Variants in EYA1 observed in about 807,000 individuals in gnomAD.
The protein encoded by EYA1 is protein phosphatase EYA1.
In EYA1, 16 loss-of-function variants were observed where a neutral mutation model predicts 82.0. The ratio of observed to expected loss-of-function variants is 0.20; its 90% CI spans 0.13 to 0.30. The LOEUF is 0.30. Among genes scored for constraint, EYA1 ranks in the 10% least tolerant of loss-of-function variants. EYA1 has a pLI of 1.00. For synonymous variants in EYA1, 261 were observed against 264.4 expected, an observed-to-expected ratio of 0.99 and a Z score of 0.12; for missense variants, 633 against 730.7, an observed-to-expected ratio of 0.87 and a Z score of 1.54.
chr8:71,492,335 TA>T (rs1451673819), intron 2 of EYA1, among the ~76,000 whole-genome samples: 1 of 152,124 alleles, frequency 6.6e-6, no homozygotes, highest in Non-Finnish European at 1.5e-5. Flanking sequence ...TAATAACAAA[TA>T]TATTTTTAAT....
intron 2 of EYA1, among the ~76,000 whole-genome samples, chr8:71,395,961 A>G (rs975598484): frequency 4.6e-5 from 7 of 152,164 alleles, no homozygotes; most frequent in Admixed American, 2.0e-4. Flanking sequence ...TATTGCCTCA[A>G]TTTAAGAACC....
At chr8:71,318,470 T>C (rs1822169446) in intron 6 of EYA1, among the ~76,000 whole-genome samples, 1 of 152,186 alleles carries the variant, frequency 6.6e-6, no homozygotes, top group African/African-American at 2.4e-5. Flanking sequence ...AAATGATGTA[T>C]CTGTGGCCCC....
chr8:71,435,677 T>C (rs1805960497), intron 2 of EYA1, among the ~76,000 whole-genome samples: 1 of 152,062 alleles, frequency 6.6e-6, no homozygotes, highest in Admixed American at 6.6e-5. Flanking sequence ...TATATAAGCA[T>C]AATTTAAAAG....
At chr8:71,484,552 G>GTCC (rs1810416132) in intron 2 of EYA1, among the ~76,000 whole-genome samples, 1 of 152,190 alleles carries the variant, frequency 6.6e-6, no homozygotes, top group East Asian at 1.9e-4. Context: ...CCTCTTGAGG[G>GTCC]TCATTCCTAT....
chr8:71,335,418 A>T (rs745840945), intron 3 of EYA1, among the ~76,000 whole-genome samples: 77 of 152,342 alleles, frequency 5.1e-4, no homozygotes, highest in Non-Finnish European at 9.3e-4. Flanking sequence ...TTATAAATAG[A>T]TGCATCGGAT....
chr8:71,267,036 C>T (rs548942118), intron 11 of EYA1, among the ~76,000 whole-genome samples: 35 of 152,318 alleles, frequency 2.3e-4, no homozygotes, highest in African/African-American at 8.2e-4. Flanking sequence ...ATCACTGCTA[C>T]AACCTCCAAT....
chr8:71,509,931 C>G (rs1812470372), intron 2 of EYA1, among the ~76,000 whole-genome samples: 3 of 151,868 alleles, frequency 2.0e-5, no homozygotes, highest in African/African-American at 7.3e-5. Flanking sequence ...TATGGGAATT[C>G]AGAAGCAAAA....
At chr8:71,366,377 A>T (rs1408643320), upstream of EYA1, among the ~76,000 whole-genome samples, 1 of 152,182 alleles carries the variant, frequency 6.6e-6, no homozygotes, top group Non-Finnish European at 1.5e-5. Context: ...TTGGTCCTGG[A>T]AGCATATGTT....
chr8:71,214,893 C>T (rs893205369), intron 16 of EYA1, among the ~76,000 whole-genome samples: 1 of 152,124 alleles, frequency 6.6e-6, no homozygotes, highest in African/African-American at 2.4e-5. Context: ...GTATTTTCCT[C>T]CCAACTATGT....
At chr8:71,309,029 CAG>C (rs1821043321) in intron 7 of EYA1, among the ~76,000 whole-genome samples, 1 of 152,142 alleles carries the variant, frequency 6.6e-6, no homozygotes, top group South Asian at 2.1e-4. Context: ...TTTCGAAGGC[CAG>C]ATGGGCTATT....
At chr8:71,346,015 TGC>T (rs1225240495) in intron 3 of EYA1, among the ~76,000 whole-genome samples, 1 of 151,586 alleles carries the variant, frequency 6.6e-6, no homozygotes, top group Non-Finnish European at 1.5e-5. Flanking sequence ...CGTGCACACG[TGC>T]GCGCACACAC....
At chr8:71,201,842 T>G (rs1807067605) in intron 17 of EYA1, among the ~76,000 whole-genome samples, 1 of 152,240 alleles carries the variant, frequency 6.6e-6, no homozygotes, top group Non-Finnish European at 1.5e-5. Flanking sequence ...TCTATTTTTA[T>G]ATTCTCTTTA....
At chr8:71,533,400 C>G (rs1209691292) in intron 2 of EYA1, among the ~76,000 whole-genome samples, 1 of 152,144 alleles carries the variant, frequency 6.6e-6, no homozygotes, top group Non-Finnish European at 1.5e-5. Flanking sequence ...GGGATTTACT[C>G]TAAATATGGC....
Position 71,535,752 on chromosome 8 carries a change from C to A in EYA1, c.25G>T (p.Gly9Ter). The change falls in exon 2 of 19, where the codon GGA becomes TGA. Residue 9 changes from glycine (G) to a stop codon, truncating the protein, a stop_gained. Coordinates refer to the EYA1 transcript ENST00000643681. LOFTEE classifies it high-confidence loss of function. ...ACATTCTGTTTACTTACAGACTGTC[C>A]ATTTATCCCCCGGGGGTCTTCCATT... 6.6e-7 allele frequency: 1 copy of A among 1,520,786 alleles called. No individual in the cohort carries two copies. The highest frequency in any genetic ancestry group is 8.8e-7 in the Non-Finnish European group (1 of 1,139,024). 94.2% of individuals were successfully genotyped at this position (1,520,786 alleles called of 1,614,324 possible).
chr8:71,448,906 T>G (rs1807120999), intron 2 of EYA1: 1 of 167,896 alleles, frequency 6.0e-6, no homozygotes, highest in South Asian at 1.9e-4. Flanking sequence ...CATTGCAAAC[T>G]TTATGTGTAA....
intron 17 of EYA1, among the ~76,000 whole-genome samples, chr8:71,201,961 A>G (rs933503236): frequency 2.6e-5 from 4 of 152,194 alleles, no homozygotes; most frequent in African/African-American, 7.2e-5. Context: ...CTTAAGTACT[A>G]TTATCTCAGA....
intron 2 of EYA1, among the ~76,000 whole-genome samples, chr8:71,398,770 C>G (rs181058364): frequency 3.9e-5 from 6 of 152,366 alleles, no homozygotes; most frequent in Non-Finnish European, 8.8e-5. Context: ...GGCAGTCTGT[C>G]TGTTCTCAGG....
At chr8:71,275,923 C>T (rs1032202872) in intron 9 of EYA1, among the ~76,000 whole-genome samples, 1 of 152,164 alleles carries the variant, frequency 6.6e-6, no homozygotes, top group Non-Finnish European at 1.5e-5. Context: ...TTCAGAATAT[C>T]TTGACTTCCC....
intron 2 of EYA1, among the ~76,000 whole-genome samples, chr8:71,488,111 G>A (rs1225540488): frequency 6.6e-6 from 1 of 151,980 alleles, no homozygotes; most frequent in Non-Finnish European, 1.5e-5. Context: ...AAATTATGAT[G>A]TATTCATGTG....
Sources: allele counts gnomAD v4.1 joint callset (sites outside exome capture counted in the v4.1 genomes callset), GRCh38; gene constraint gnomAD v4.1.1; transcripts MANE v1.5; gene names NCBI Gene and HGNC (gene_info 2026-07-23, HGNC 2026-07-21).